POLG2: variants seen among roughly 807,000 people sequenced by gnomAD.
POLG2 encodes DNA polymerase subunit gamma-2.
In POLG2, 50 loss-of-function variants were observed where a neutral mutation model predicts 56.5. The ratio of observed to expected loss-of-function variants is 0.88; its 90% confidence interval spans 0.71 to 1.12. The LOEUF (loss-of-function observed/expected upper bound fraction) is 1.12, where lower values mean the gene tolerates loss of function less well. POLG2 is among the 50% of genes most tolerant of loss of function. The pLI, the probability that POLG2 is intolerant of heterozygous loss-of-function variation, is 0.00. For synonymous variants in POLG2, 226 were observed against 222.6 expected (o/e 1.02, Z -0.14); for missense variants, 584 against 583.3 (o/e 1.00, Z -0.01).
chr17:64,480,212 G>T (rs1186745639), intron 7 of POLG2, 77 bp downstream of exon 7: 4 of 436,860 alleles, frequency 9.2e-6, no homozygotes, highest in African/African-American at 2.1e-5. Flanking sequence ...ATTTAGAAGA[G>T]ATTTGTTTCT....
intron 4 of POLG2, 88 bp from the exon 5 acceptor site, chr17:64,485,956 G>A (rs1555667393): frequency 1.5e-6 from 2 of 1,346,124 alleles, no homozygotes; most frequent in Non-Finnish European, 1.0e-6. Flanking sequence ...TCTGTCACCT[G>A]GCCAGGCTGG....
chr17:64,491,569 A>G, intron 3 of POLG2: 1 of 1,552,822 alleles, frequency 6.4e-7, no homozygotes, highest in Non-Finnish European at 8.9e-7. Context: ...CTGGAGGTCA[A>G]ACTAGGGGAG....
intron 6 of POLG2, among the ~76,000 whole-genome samples, chr17:64,481,740 C>T (rs555220072): frequency 1.3e-5 from 2 of 151,872 alleles, no homozygotes; most frequent in South Asian, 4.2e-4. Flanking sequence ...CCAGGTGTGG[C>T]GGTGTGTACC....
At position 64,485,748 on chromosome 17, in the gene POLG2, T is replaced by G; in HGVS notation, c.1090A>C (p.Lys364Gln). Residue 364 changes from lysine to glutamine, a missense_variant, in exon 5 of 8, where the codon AAG (lysine) becomes CAG (glutamine). By Grantham distance (53) the Lys-to-Gln change is moderately conservative. Coordinates refer to ENST00000539111, the MANE Select transcript of POLG2 (RefSeq NM_007215.4). ...FQLTENSFTR[K>Q]KNLHRKVLKL... ...AGCACCTTTCTATGAAGATTTTTCT[T>G]TCTTGTAAAGGAGTTCTCTGTCAGC... The G allele has an allele frequency of 1.2e-6, 2 of 1,613,402 alleles. No individual in the cohort carries two copies. The highest frequency in any genetic ancestry group is 2.2e-5 in the East Asian group (1 of 44,890).
At chr17:64,481,021 A>T (rs2037847841) in intron 6 of POLG2, among the ~76,000 whole-genome samples, 1 of 152,206 alleles carries the variant, frequency 6.6e-6, no homozygotes, top group South Asian at 2.1e-4. Flanking sequence ...AGCAAAATTT[A>T]AAAACCCCTT....
At chr17:64,492,607 ACT>A in intron 3 of POLG2, 58 bp downstream of exon 3, 1 of 918,216 alleles carries the variant, frequency 1.1e-6, no homozygotes, top group South Asian at 1.4e-5. Flanking sequence ...AAGAATTACC[ACT>A]GACACATTAA....
chr17:64,487,059 C>A (rs1431211017), intron 4 of POLG2: 1 of 151,894 alleles, frequency 6.6e-6, no homozygotes, highest in South Asian at 2.1e-4. Flanking sequence ...ACTTAAATAA[C>A]CACCTTTAGC....
chr17:64,494,623 TA>T (rs1259414743), intron 1 of POLG2, among the ~76,000 whole-genome samples: 1 of 152,198 alleles, frequency 6.6e-6, no homozygotes, highest in East Asian at 1.9e-4. Context: ...TTTTGATTAA[TA>T]CTATTGACTC....
intron 3 of POLG2, chr17:64,491,472 G>A (rs555967810): frequency 1.9e-5 from 22 of 1,130,952 alleles, no homozygotes; most frequent in African/African-American, 7.7e-5. Flanking sequence ...ATTGTGCAAC[G>A]GCAGTCCAGC....
At chr17:64,479,432 G>A (rs551275582) in intron 7 of POLG2, among the ~76,000 whole-genome samples, 10 of 151,876 alleles carry the variant, frequency 6.6e-5, no homozygotes, top group African/African-American at 1.7e-4. Flanking sequence ...TGATCTGCCC[G>A]CCTCAACCTC....
intron 7 of POLG2, among the ~76,000 whole-genome samples, chr17:64,478,356 C>T (rs2037802181): frequency 6.6e-6 from 1 of 151,988 alleles, no homozygotes; most frequent in African/African-American, 2.4e-5. Flanking sequence ...TTACAATAAA[C>T]AATATTATAA....
In POLG2 at chr17:64,496,533, T is replaced by C. The variant is rs782157185; in HGVS notation, c.436A>G (p.Arg146Gly). ...CGTAGAGTTTCTGCAGAAACTAACCTGAAGGCACTGTCCCCGGGTAGCAAA... is the reference window on the plus strand; with the variant it reads ...CGTAGAGTTTCTGCAGAAACTAACCCGAAGGCACTGTCCCCGGGTAGCAAA... The part of the protein sequence containing the change: ...GPLLPGDSAF[R>G]LVSAETLREI... Residue 146 changes from arginine (R) to glycine (G), a missense_variant, in exon 1 of 8, where the codon AGG becomes GGG. Arg to Gly is a moderately radical substitution (Grantham distance 125). Transcript: ENST00000539111. The C allele has an allele frequency of 1.2e-6, 2 of 1,613,704 alleles. No individual in the cohort carries two copies. Among genetic ancestry groups the C allele is most frequent in the Non-Finnish European group, 1.7e-6 (2 of 1,179,728 alleles).
Position 64,496,603 on chromosome 17 carries a change from C to G in POLG2, c.366G>C (p.Arg122Ser). 6.2e-7 allele frequency: 1 copy of G among 1,613,836 alleles called. No homozygotes were observed. Among genetic ancestry groups the G allele is most frequent in the South Asian group, 1.1e-5 (1 of 91,060 alleles). The change falls in exon 1 of 8, where the codon AGG becomes AGC. Residue 122 changes from arginine (R) to serine (S), a missense_variant. Coordinates refer to ENST00000539111, the MANE Select transcript of POLG2 (RefSeq NM_007215.4). ...GGGCGTCCACCGGGAATACCTGCTCCCTGAACACCACCACCGAGGTCCACC... is the reference window on the plus strand; with the variant it reads ...GGGCGTCCACCGGGAATACCTGCTCGCTGAACACCACCACCGAGGTCCACC... ...AEWWTSVVVF[R>S]EQVFPVDALH...
chr17:64,485,565 C>G (rs2037935706), intron 5 of POLG2, 163 bp downstream of exon 5: 8 of 649,754 alleles, frequency 1.2e-5, no homozygotes, highest in Non-Finnish European at 2.2e-5. Flanking sequence ...GAACCTGATT[C>G]TTATTCCTGT....
chr17:64,487,613 C>CAAAAAAA (rs202042916), intron 4 of POLG2: 3 of 73,668 alleles, frequency 4.1e-5, no homozygotes, highest in South Asian at 5.3e-4. Flanking sequence ...GACACCATCT[C>CAAAAAAA]AAAAAAAAAA....
At chr17:64,490,291 A>C (rs1239973909) in intron 4 of POLG2, among the ~76,000 whole-genome samples, 5 of 152,204 alleles carry the variant, frequency 3.3e-5, no homozygotes, top group African/African-American at 1.2e-4. Context: ...CATCTTAACT[A>C]AATGATAAAA....
Position 64,496,758 on chromosome 17 carries a change from C to A in POLG2, c.211G>T (p.Glu71Ter). The A allele has an allele frequency of 6.2e-7, 1 of 1,614,030 alleles. No homozygotes were observed. The highest frequency in any genetic ancestry group is 8.5e-7 in the Non-Finnish European group (1 of 1,180,022). ...GSGEGSEALL[E>*]ICQRRHFLSG... ...AGGAAATGCCTTCTCTGACAGATCTCTAACAGCGCCTCGCTTCCCTCTCCA... is the reference window on the plus strand; with the variant it reads ...AGGAAATGCCTTCTCTGACAGATCTATAACAGCGCCTCGCTTCCCTCTCCA... Residue 71 changes from glutamate to a stop codon, truncating the protein, a stop_gained, in exon 1 of 8, where the codon GAG becomes TAG. Transcript: ENST00000539111. LOFTEE classifies it high-confidence loss of function.
chr17:64,490,522 A>T, intron 4 of POLG2: 2 of 439,288 alleles, frequency 4.6e-6, no homozygotes, highest in Non-Finnish European at 8.4e-6. Context: ...GTGTAAAGGC[A>T]TATGACAACT....
At chr17:64,483,469 G>A (rs1555666898) in intron 5 of POLG2, among the ~76,000 whole-genome samples, 1 of 151,020 alleles carries the variant, frequency 6.6e-6, no homozygotes, top group East Asian at 1.9e-4. Flanking sequence ...AGCCAAGATC[G>A]TGCCACTGCA....
Sources: gnomAD v4.1 joint callset for allele counts (sites outside exome capture counted in the v4.1 genomes callset) on GRCh38, gnomAD v4.1.1 for gene constraint, MANE v1.5 for transcripts, NCBI Gene and HGNC (gene_info 2026-07-23, HGNC 2026-07-21) for gene names.